Variants in CNTNAP2 observed in about 807,000 individuals in gnomAD.
CNTNAP2 encodes the protein contactin associated protein 2.
Under a neutral mutation model 155.2 loss-of-function variants are expected in CNTNAP2, and 98 were observed. The observed-to-expected ratio is 0.63, with a 90% CI of 0.54 to 0.75. CNTNAP2 has a LOEUF of 0.75. Ranked by LOEUF, CNTNAP2 falls within the 30% of genes least tolerant of loss-of-function variation. The pLI, the probability that CNTNAP2 is intolerant of heterozygous loss-of-function variation, is 0.00. For missense variants in CNTNAP2, 1,727 were observed against 1,688.1 expected (o/e 1.02, Z -0.40); for synonymous variants, 651 against 631.2 (o/e 1.03, Z -0.47).
intron 22 of CNTNAP2, among the ~76,000 whole-genome samples, chr7:148,395,971 T>C (rs1411456227): frequency 6.6e-6 from 1 of 152,162 alleles, no homozygotes; most frequent in East Asian, 1.9e-4. Flanking sequence ...CCAGGGAGGT[T>C]AGGACTCTGT....
chr7:146,990,771 TA>T (rs1798194831), intron 3 of CNTNAP2, among the ~76,000 whole-genome samples: 1 of 152,114 alleles, frequency 6.6e-6, no homozygotes, highest in Non-Finnish European at 1.5e-5. Flanking sequence ...TTGCTGGGGA[TA>T]ATTTAATTTT....
At chr7:146,587,243 A>G (rs1798706616) in intron 1 of CNTNAP2, among the ~76,000 whole-genome samples, 1 of 152,104 alleles carries the variant, frequency 6.6e-6, no homozygotes, top group Non-Finnish European at 1.5e-5. Flanking sequence ...ATTAGCACCT[A>G]TTATAATATA....
chr7:147,409,240 G>C (rs1360155679), intron 10 of CNTNAP2, among the ~76,000 whole-genome samples: 1 of 151,982 alleles, frequency 6.6e-6, no homozygotes. Context: ...TGAGATAGAA[G>C]TGCAGGTACA....
intron 1 of CNTNAP2, among the ~76,000 whole-genome samples, chr7:146,647,203 T>C (rs1198224945): frequency 6.6e-6 from 1 of 152,148 alleles, no homozygotes; most frequent in Non-Finnish European, 1.5e-5. Flanking sequence ...TCAGTCCAAA[T>C]TGGCTCCCTC....
chr7:146,719,776 T>G (rs1801254109), intron 1 of CNTNAP2, among the ~76,000 whole-genome samples: 1 of 152,162 alleles, frequency 6.6e-6, no homozygotes, highest in Non-Finnish European at 1.5e-5. Context: ...AAAGGTAACC[T>G]TTTGATTTTG....
At chr7:146,821,042 T>C (rs1286721430) in intron 2 of CNTNAP2, among the ~76,000 whole-genome samples, 2 of 152,200 alleles carry the variant, frequency 1.3e-5, no homozygotes, top group Non-Finnish European at 2.9e-5. Flanking sequence ...TCCCTTTATT[T>C]TGAGCCTATG....
At chr7:146,686,286 C>A (rs148836173) in intron 1 of CNTNAP2, among the ~76,000 whole-genome samples, 3 of 151,128 alleles carry the variant, frequency 2.0e-5, no homozygotes, top group Non-Finnish European at 2.9e-5. Context: ...CAGAGTGAGA[C>A]CCTGTCTCAA....
intron 1 of CNTNAP2, among the ~76,000 whole-genome samples, chr7:146,425,757 T>A (rs1028972059): frequency 3.3e-5 from 5 of 152,202 alleles, no homozygotes; most frequent in Admixed American, 2.0e-4. Context: ...CTATGTAACC[T>A]CATGTCATTC....
intron 1 of CNTNAP2, among the ~76,000 whole-genome samples, chr7:146,513,252 A>C (rs1027273049): frequency 2.0e-5 from 3 of 151,926 alleles, no homozygotes. Flanking sequence ...AAATATATTC[A>C]TCTACCCTCT....
chr7:146,590,211 C>T (rs1395303709), intron 1 of CNTNAP2, among the ~76,000 whole-genome samples: 3 of 152,142 alleles, frequency 2.0e-5, no homozygotes, highest in Non-Finnish European at 4.4e-5. Flanking sequence ...ACAAGGAATG[C>T]GGAATGCTTC....
At chr7:147,744,091 T>A (rs200604055) in intron 13 of CNTNAP2, among the ~76,000 whole-genome samples, 1 of 152,250 alleles carries the variant, frequency 6.6e-6, no homozygotes, top group Non-Finnish European at 1.5e-5. Context: ...GGGCGTGTTA[T>A]ACAGTGAAGT....
intron 2 of CNTNAP2, among the ~76,000 whole-genome samples, chr7:146,784,137 T>G (rs1585088868): frequency 6.6e-6 from 1 of 152,320 alleles, no homozygotes; most frequent in South Asian, 2.1e-4. Flanking sequence ...TTTTGGACTT[T>G]TGAGATGAAG....
rs1409521301 is a variant in CNTNAP2, at chr7:148,419,146, C to G, written c.*3530C>G. Reference sequence around the variant, plus strand: ...CTCACCACATTATACCCTGCTCTTACGCAGTAAACGTTTTAATGGCCCGTT... The same window carrying G: ...CTCACCACATTATACCCTGCTCTTAGGCAGTAAACGTTTTAATGGCCCGTT... On this transcript the variant is annotated 3_prime_UTR_variant, in exon 24 of 24. Transcript: ENST00000361727. 1.3e-5 allele frequency: 2 copies of G among 152,174 alleles called. No homozygotes were observed. The highest frequency in any genetic ancestry group is 1.9e-4 in the East Asian group (1 of 5,194). The allele number at this position is 152,174 out of a possible 1,614,324, so 9.4% of individuals were successfully genotyped here. A position where few individuals can be genotyped will look rare whatever the true frequency, so the allele number is the denominator to read the frequency against.
intron 10 of CNTNAP2, among the ~76,000 whole-genome samples, chr7:147,464,150 A>T (rs936546338): frequency 6.6e-6 from 1 of 152,012 alleles, no homozygotes; most frequent in African/African-American, 2.4e-5. Context: ...TCTCCACTGT[A>T]ACTTATGACA....
At chr7:147,313,743 C>A (rs555585312) in intron 9 of CNTNAP2, among the ~76,000 whole-genome samples, 14 of 152,098 alleles carry the variant, frequency 9.2e-5, no homozygotes, top group Admixed American at 5.2e-4. Context: ...CTTGGCGATG[C>A]GGGCTCTTTT....
chr7:146,913,670 C>T (rs1311961280), intron 3 of CNTNAP2, among the ~76,000 whole-genome samples: 1 of 151,938 alleles, frequency 6.6e-6, no homozygotes, highest in Admixed American at 6.6e-5. Context: ...AAGGCTCTAC[C>T]CCCATGACTT....
intron 10 of CNTNAP2, among the ~76,000 whole-genome samples, chr7:147,484,474 C>T (rs1798477167): frequency 6.6e-6 from 1 of 152,202 alleles, no homozygotes; most frequent in Non-Finnish European, 1.5e-5. Flanking sequence ...AGTTTTCATA[C>T]ATACTGTATC....
At chr7:146,660,874 C>T (rs890783344) in intron 1 of CNTNAP2, among the ~76,000 whole-genome samples, 3 of 152,202 alleles carry the variant, frequency 2.0e-5, no homozygotes, top group Admixed American at 1.3e-4. Flanking sequence ...CTCAACCTTT[C>T]CTTGTATTCC....
At chr7:148,020,339 T>C (rs1802258337) in intron 15 of CNTNAP2, among the ~76,000 whole-genome samples, 1 of 152,232 alleles carries the variant, frequency 6.6e-6, no homozygotes, top group Non-Finnish European at 1.5e-5. Context: ...TTCATCTTAC[T>C]TTTATCACTA....
Sources: allele counts gnomAD v4.1 joint callset (sites outside exome capture counted in the v4.1 genomes callset), GRCh38; gene constraint gnomAD v4.1.1; transcripts MANE v1.5; gene names NCBI Gene and HGNC (gene_info 2026-07-23, HGNC 2026-07-21).